Variants in SULT2B1 observed in about 807,000 individuals in gnomAD.
SULT2B1 encodes sulfotransferase 2B1.
In SULT2B1, 16 loss-of-function variants were observed where a neutral mutation model predicts 33.2. That is an observed-to-expected ratio of 0.48 (90% CI 0.33 to 0.73). The LOEUF is 0.73. Among genes scored for constraint, SULT2B1 ranks in the 30% least tolerant of loss-of-function variants. SULT2B1 has a pLI of 0.02. For missense variants in SULT2B1, 500 were observed against 506.0 expected (o/e 0.99, Z 0.11); for synonymous variants, 186 against 200.5 (o/e 0.93, Z 0.61).
intron 1 of SULT2B1, among the ~76,000 whole-genome samples, chr19:48,570,724 G>T (rs56935911): frequency 5.8e-4 from 23 of 39,772 alleles, no homozygotes; most frequent in African/African-American, 2.9e-3. Context: ...TTCCGTTTTT[G>T]TTTTTGTTTT....
chr19:48,569,819 A>G (rs1294683443), intron 1 of SULT2B1, among the ~76,000 whole-genome samples: 1 of 151,938 alleles, frequency 6.6e-6, no homozygotes, highest in Admixed American at 6.6e-5. Context: ...AGCATGCGCC[A>G]CCACGCCTGG....
At chr19:48,583,398 A>G (rs1421275379) in intron 2 of SULT2B1, among the ~76,000 whole-genome samples, 1 of 152,226 alleles carries the variant, frequency 6.6e-6, no homozygotes, top group Non-Finnish European at 1.5e-5. Context: ...TTGTACACCA[A>G]TGTTCATAGC....
At chr19:48,560,571 C>T (rs1014482872) in intron 1 of SULT2B1, among the ~76,000 whole-genome samples, 22 of 150,264 alleles carry the variant, frequency 1.5e-4, no homozygotes, top group African/African-American at 5.3e-4. Context: ...TTCTCGTAGC[C>T]ACCTTTTTAA....
At chr19:48,567,355 A>G (rs892988629) in intron 1 of SULT2B1, among the ~76,000 whole-genome samples, 1 of 151,284 alleles carries the variant, frequency 6.6e-6, no homozygotes, top group African/African-American at 2.4e-5. Context: ...CGAGGTCAGG[A>G]GTTTGAGACC....
chr19:48,589,724 G>A (rs974519142), intron 3 of SULT2B1, among the ~76,000 whole-genome samples: 2 of 152,222 alleles, frequency 1.3e-5, no homozygotes, highest in African/African-American at 4.8e-5. Flanking sequence ...CACTTTCAGA[G>A]GCCAAGGTGA....
chr19:48,593,741 TCTC>T (rs2147628021), intron 5 of SULT2B1, among the ~76,000 whole-genome samples: 1 of 150,026 alleles, frequency 6.7e-6, no homozygotes, highest in East Asian at 2.1e-4. Flanking sequence ...TTCAAGCAAT[TCTC>T]CTGCCTCAGC....
chr19:48,556,282 G>A (rs948598195), intron 1 of SULT2B1, among the ~76,000 whole-genome samples: 1 of 152,136 alleles, frequency 6.6e-6, no homozygotes, highest in African/African-American at 2.4e-5. Flanking sequence ...AATCTGCCCC[G>A]TGGCACCAAA....
intron 1 of SULT2B1, among the ~76,000 whole-genome samples, chr19:48,569,363 C>CAT (rs1159840741): frequency 0.069 from 2,261 of 32,712 alleles, 64 homozygotes; most frequent in East Asian, 0.11. Flanking sequence ...AAAAAAAAAA[C>CAT]ATATATATAT....
chr19:48,591,761 G>C (rs1344682856), intron 4 of SULT2B1, 26 bp downstream of exon 4: 7 of 1,541,200 alleles, frequency 4.5e-6, no homozygotes, highest in Middle Eastern at 1.7e-4. Context: ...AGCGGGGCAG[G>C]AGGGGTGGGG....
chr19:48,564,551 C>CAAAAAAAAAAAAAA (rs770217698), intron 1 of SULT2B1, among the ~76,000 whole-genome samples: 194 of 57,510 alleles, frequency 3.4e-3, no homozygotes, highest in Middle Eastern at 0.016. Flanking sequence ...GACTCCGTCT[C>CAAAAAAAAAAAAAA]AAAAAAAAAA....
intron 1 of SULT2B1, among the ~76,000 whole-genome samples, chr19:48,566,478 G>A (rs1192569933): frequency 6.6e-6 from 1 of 152,136 alleles, no homozygotes; most frequent in Non-Finnish European, 1.5e-5. Context: ...CTGGTGGGTT[G>A]CTTGAGGCCA....
intron 1 of SULT2B1, among the ~76,000 whole-genome samples, chr19:48,570,565 CCAGGGTTTGGCAATTATGAGTA>C (rs1344760853): frequency 5.9e-5 from 9 of 152,162 alleles, no homozygotes; most frequent in African/African-American, 2.2e-4. Flanking sequence ...TGAGCTGTTC[CCAGGGTTTGGCAATTATGAGTA>C]CAGTGGCTAT....
At chr19:48,595,059 G>T (rs1401586353) in intron 5 of SULT2B1, among the ~76,000 whole-genome samples, 1 of 151,982 alleles carries the variant, frequency 6.6e-6, no homozygotes, top group African/African-American at 2.4e-5. Context: ...GAAGTGAGCA[G>T]ATCACCCGAG....
intron 3 of SULT2B1, among the ~76,000 whole-genome samples, chr19:48,589,154 C>T (rs1352232777): frequency 2.0e-5 from 3 of 152,046 alleles, no homozygotes; most frequent in Non-Finnish European, 4.4e-5. Context: ...GGGGAGGGGA[C>T]GGTGGCTGGA....
intron 2 of SULT2B1, among the ~76,000 whole-genome samples, chr19:48,585,502 T>C (rs1973549430): frequency 6.6e-6 from 1 of 151,916 alleles, no homozygotes; most frequent in Admixed American, 6.6e-5. Context: ...ATCCCATCTC[T>C]ACTAAAAATA....
At chr19:48,598,974 G>A (rs1973760442) in intron 6 of SULT2B1, among the ~76,000 whole-genome samples, 161 bp from the exon 7 acceptor site, 1 of 152,072 alleles carries the variant, frequency 6.6e-6, no homozygotes, top group Admixed American at 6.6e-5. Context: ...GCCACCATAG[G>A]ACACAAAGGG....
intron 2 of SULT2B1, among the ~76,000 whole-genome samples, chr19:48,585,389 C>A (rs73053554): frequency 1.1e-4 from 17 of 151,670 alleles, no homozygotes; most frequent in African/African-American, 2.4e-4. Flanking sequence ...GAACCTCAGC[C>A]GGGCGCAGTG....
At chr19:48,583,725 T>C (rs1973525107) in intron 2 of SULT2B1, among the ~76,000 whole-genome samples, 1 of 151,338 alleles carries the variant, frequency 6.6e-6, no homozygotes, top group African/African-American at 2.4e-5. Context: ...AGCTGAGGCA[T>C]GAGAATGGCT....
chr19:48,553,096 C>T (rs1271491931), intron 1 of SULT2B1, among the ~76,000 whole-genome samples: 1 of 152,052 alleles, frequency 6.6e-6, no homozygotes, highest in Admixed American at 6.6e-5. Flanking sequence ...CCCCGTGGCT[C>T]CATCTTTTAG....
Sources: allele counts gnomAD v4.1 joint callset (sites outside exome capture counted in the v4.1 genomes callset), GRCh38; gene constraint gnomAD v4.1.1; transcripts MANE v1.5; gene names NCBI Gene and HGNC (gene_info 2026-07-23, HGNC 2026-07-21).